PRKCA: variants seen among roughly 807,000 people sequenced by gnomAD.
PRKCA encodes protein kinase C alpha type.
PRKCA carries 27 observed loss-of-function variants against 87.0 expected under a neutral mutation model. The ratio of observed to expected loss-of-function variants is 0.31; its 90% CI spans 0.23 to 0.43. The LOEUF (loss-of-function observed/expected upper bound fraction) is 0.43, where lower values mean the gene tolerates loss of function less well. Among genes scored for constraint, PRKCA ranks in the 20% least tolerant of loss-of-function variants. The pLI, the probability that PRKCA is intolerant of heterozygous loss-of-function variation, is 1.00. For synonymous variants in PRKCA, 329 were observed against 311.1 expected, an observed-to-expected ratio of 1.06 and a Z score of -0.61; for missense variants, 518 against 852.3, an observed-to-expected ratio of 0.61 and a Z score of 4.88.
intron 5 of PRKCA, among the ~76,000 whole-genome samples, chr17:66,666,164 C>G (rs138247132): frequency 2.6e-5 from 4 of 152,294 alleles, no homozygotes; most frequent in Non-Finnish European, 5.9e-5. Context: ...ATCACATAGA[C>G]TACATAGAGC....
intron 2 of PRKCA, among the ~76,000 whole-genome samples, chr17:66,431,593 G>A (rs576364199): frequency 3.3e-5 from 5 of 152,198 alleles, no homozygotes; most frequent in Admixed American, 6.5e-5. Context: ...GGTTGGCTGA[G>A]AAAGCTTCAC....
intron 2 of PRKCA, among the ~76,000 whole-genome samples, chr17:66,360,328 G>GT (rs1908314391): frequency 6.6e-6 from 1 of 152,146 alleles, no homozygotes; most frequent in Non-Finnish European, 1.5e-5. Flanking sequence ...CTCTGTTTTA[G>GT]TACTTGGGGG....
chr17:66,362,441 G>A (rs1305660442), intron 2 of PRKCA, among the ~76,000 whole-genome samples: 1 of 152,118 alleles, frequency 6.6e-6, no homozygotes, highest in Non-Finnish European at 1.5e-5. Flanking sequence ...TCCAGGCTGG[G>A]TGTCATCTGT....
At chr17:66,635,334 G>A (rs1971123576) in intron 3 of PRKCA, among the ~76,000 whole-genome samples, 1 of 152,198 alleles carries the variant, frequency 6.6e-6, no homozygotes, top group Admixed American at 6.5e-5. Context: ...CCCTGGTATT[G>A]TGGTGTTCAC....
intron 2 of PRKCA, among the ~76,000 whole-genome samples, chr17:66,461,008 C>T (rs919785728): frequency 6.6e-6 from 1 of 151,962 alleles, no homozygotes. Context: ...GAGTTGGAGA[C>T]CAGCCTGGGC....
intron 2 of PRKCA, among the ~76,000 whole-genome samples, chr17:66,493,738 C>T (rs1291109470): frequency 6.6e-6 from 1 of 152,158 alleles, no homozygotes; most frequent in Non-Finnish European, 1.5e-5. Flanking sequence ...AGTACAACAA[C>T]AGCAACAGCC....
intron 3 of PRKCA, among the ~76,000 whole-genome samples, chr17:66,510,309 T>C (rs931949775): frequency 7.2e-5 from 11 of 152,218 alleles, no homozygotes; most frequent in Non-Finnish European, 1.3e-4. Context: ...TGAGGGACTC[T>C]TCAGTGCTTG....
At chr17:66,516,914 C>T (rs576818970) in intron 3 of PRKCA, among the ~76,000 whole-genome samples, 26 of 152,266 alleles carry the variant, frequency 1.7e-4, no homozygotes, top group African/African-American at 9.6e-5. Flanking sequence ...GAATTTGATG[C>T]GAGGCTAGGA....
chr17:66,571,331 T>G lies in PRKCA; in HGVS notation c.289-70024T>G, dbSNP rs975635231. Among the ~76,000 whole-genome samples, 10 of 151,412 alleles carry G rather than the reference T, an allele frequency of 6.6e-5. No homozygotes were observed. The East Asian group carries it at 7.7e-4, about 12-fold the overall frequency. On this transcript the variant is annotated intron_variant, in intron 3 of 16. Coordinates refer to ENST00000413366, the MANE Select transcript of PRKCA (RefSeq NM_002737.3). ...GAGGTGCTGGTTCAGGAAATAATTG[T>G]TTTTTTTTAATCCATATTTCAAAAG...
chr17:66,525,390 G>C (rs1454819406), intron 3 of PRKCA, among the ~76,000 whole-genome samples: 2 of 152,130 alleles, frequency 1.3e-5, no homozygotes, highest in African/African-American at 4.8e-5. Context: ...TATTTGTCAT[G>C]AATGAAATAG....
At chr17:66,796,970 C>G (rs1975684918) in intron 16 of PRKCA, 3 of 985,284 alleles carry the variant, frequency 3.0e-6, no homozygotes, top group African/African-American at 1.7e-5. Context: ...TGCATCTTTC[C>G]TCTTCTTCTG....
chr17:66,628,802 C>T (rs1160132161), intron 3 of PRKCA, among the ~76,000 whole-genome samples: 2 of 152,254 alleles, frequency 1.3e-5, no homozygotes, highest in South Asian at 2.1e-4. Context: ...CCGACGTGGG[C>T]GGATCACCTT....
At chr17:66,627,690 G>A (rs1970893950) in intron 3 of PRKCA, among the ~76,000 whole-genome samples, 1 of 152,150 alleles carries the variant, frequency 6.6e-6, no homozygotes, top group African/African-American at 2.4e-5. Flanking sequence ...GTGCCAAAGA[G>A]GCCAATAGCA....
chr17:66,336,415 A>C (rs1250190559), intron 2 of PRKCA, among the ~76,000 whole-genome samples: 1 of 152,196 alleles, frequency 6.6e-6, no homozygotes, highest in African/African-American at 2.4e-5. Context: ...AATCTCGTTG[A>C]ATGGGAGGCA....
chr17:66,386,870 C>T (rs532092113), intron 2 of PRKCA, among the ~76,000 whole-genome samples: 19 of 152,060 alleles, frequency 1.2e-4, no homozygotes, highest in African/African-American at 4.6e-4. Flanking sequence ...TATCTTTACT[C>T]TTGGCCTTAC....
At chr17:66,742,929 T>C (rs1974188878) in intron 13 of PRKCA, among the ~76,000 whole-genome samples, 169 bp downstream of exon 13, 1 of 152,224 alleles carries the variant, frequency 6.6e-6, no homozygotes, top group African/African-American at 2.4e-5. Context: ...GGAGAGCCCA[T>C]TGCACATAGT....
At chr17:66,519,728 T>TCTTA (rs1967093886) in intron 3 of PRKCA, among the ~76,000 whole-genome samples, 1 of 152,180 alleles carries the variant, frequency 6.6e-6, no homozygotes, top group Admixed American at 6.5e-5. Context: ...AGCATCAGTA[T>TCTTA]CACCTGGGAG....
chr17:66,488,719 T>G lies in PRKCA; in HGVS notation c.206-7482T>G, dbSNP rs1916090810. ...CTGCTTAGAATTGGGAATACTGGAT[T>G]TTTGAAAGAGTTCATTGGGAGCACG... On this transcript the variant is annotated intron_variant, in intron 2 of 16. Coordinates refer to ENST00000413366, the MANE Select transcript of PRKCA (RefSeq NM_002737.3). Among the ~76,000 whole-genome samples the G allele has an allele frequency of 2.0e-5, 3 of 152,110 alleles. No individual in the cohort carries two copies. In the South Asian group the frequency reaches 6.2e-4, roughly 32 times the overall value.
intron 2 of PRKCA, among the ~76,000 whole-genome samples, chr17:66,426,751 G>C (rs1912828578): frequency 1.3e-5 from 2 of 152,170 alleles, no homozygotes; most frequent in Admixed American, 1.3e-4. Context: ...TAACTTCTGA[G>C]AAAGGTTTCT....
Sources: gnomAD v4.1 joint callset for allele counts (sites outside exome capture counted in the v4.1 genomes callset) on GRCh38, gnomAD v4.1.1 for gene constraint, MANE v1.5 for transcripts, NCBI Gene and HGNC (gene_info 2026-07-23, HGNC 2026-07-21) for gene names.